GRM5: variants seen among roughly 807,000 people sequenced by gnomAD.
GRM5 encodes the protein metabotropic glutamate receptor 5.
GRM5 carries 19 observed loss-of-function variants against 83.1 expected under a neutral mutation model. The ratio of observed to expected loss-of-function variants is 0.23; its 90% CI spans 0.16 to 0.34. GRM5 has a LOEUF of 0.34. GRM5 is among the 10% of genes least tolerant of loss of function. The pLI is 1.00. For missense variants in GRM5, 1,160 were observed against 1,588.3 expected (o/e 0.73, Z 4.58); for synonymous variants, 675 against 633.6 (o/e 1.07, Z -0.98).
rs1555025982 is a variant in GRM5, at chr11:88,844,389, C to CACAT, written c.911+5516_911+5517insATGT. ...ACACACACACACACACACACACACA[C>CACAT]ATATATATATATACAAAAATCCTTT... On this transcript the variant is annotated intron_variant, in intron 3 of 9. Transcript: ENST00000305447. Among the ~76,000 whole-genome samples, 963 of 145,320 alleles carry CACAT rather than the reference C, an allele frequency of 6.6e-3. 10 individuals carry two copies. Among genetic ancestry groups the CACAT allele is most frequent in the African/African-American group, 0.024 (911 of 37,844 alleles).
chr11:88,521,099 G>A (rs939215733), intron 9 of GRM5, among the ~76,000 whole-genome samples: 18 of 151,946 alleles, frequency 1.2e-4, no homozygotes, highest in African/African-American at 4.1e-4. Context: ...TTTCTCCTTC[G>A]TGGCCTACAT....
chr11:89,044,180 T>C (rs1941593062), intron 2 of GRM5, among the ~76,000 whole-genome samples: 1 of 152,176 alleles, frequency 6.6e-6, no homozygotes, highest in African/African-American at 2.4e-5. Context: ...TCTTACTCCA[T>C]TAAAAGAAGT....
Position 89,029,147 on chromosome 11 carries a change from A to G in GRM5, c.661+18065T>C, listed in dbSNP as rs189423655. The stretch of plus-strand genomic sequence containing the variant: ...ATGCCTGCATAGTATTCCATGGTTT[A>G]TATGTGCCACATTTTCCTTATCCAG... On this transcript the variant is annotated intron_variant, in intron 2 of 9. Transcript: ENST00000305447. Among the ~76,000 whole-genome samples the G allele has an allele frequency of 1.5e-3, 229 of 152,324 alleles. 2 individuals are homozygous for G. The highest frequency in any genetic ancestry group is 0.011 in the Admixed American group (171 of 15,294).
At chr11:88,601,060 C>A (rs1250863990) in intron 5 of GRM5, among the ~76,000 whole-genome samples, 1 of 151,926 alleles carries the variant, frequency 6.6e-6, no homozygotes, top group Non-Finnish European at 1.5e-5. Flanking sequence ...TGAACCATTT[C>A]AAATGTAATA....
chr11:88,654,836 A>G (rs1939727179), intron 3 of GRM5, among the ~76,000 whole-genome samples: 1 of 152,090 alleles, frequency 6.6e-6, no homozygotes, highest in Non-Finnish European at 1.5e-5. Flanking sequence ...CAGTGCCGAG[A>G]AAGTATTATG....
chr11:88,813,970 A>T (rs1943628305), intron 3 of GRM5, among the ~76,000 whole-genome samples: 2 of 152,140 alleles, frequency 1.3e-5, no homozygotes, highest in African/African-American at 2.4e-5. Flanking sequence ...AAAAAACAAG[A>T]CTTAGCCTTC....
intron 2 of GRM5, among the ~76,000 whole-genome samples, chr11:88,933,187 A>ATTTTTTTTTTTTTTTTTTTTTTT (rs57318577): frequency 9.4e-6 from 1 of 106,318 alleles, no homozygotes; most frequent in Non-Finnish European, 1.8e-5. Context: ...TATTTGGGGC[A>ATTTTTTTTTTTTTTTTTTTTTTT]TTTTTTTTTT....
At chr11:88,945,061 A>G (rs1938233487) in intron 2 of GRM5, among the ~76,000 whole-genome samples, 1 of 151,898 alleles carries the variant, frequency 6.6e-6, no homozygotes, top group Admixed American at 6.6e-5. Flanking sequence ...ATTTTTACAC[A>G]TGAATAACAT....
At chr11:88,552,699 C>T (rs1942538424) in intron 8 of GRM5, among the ~76,000 whole-genome samples, 1 of 152,130 alleles carries the variant, frequency 6.6e-6, no homozygotes, top group Non-Finnish European at 1.5e-5. Flanking sequence ...GAAAAACAGT[C>T]CATAGACTGT....
chr11:88,625,674 T>G (rs1938774124), intron 4 of GRM5, among the ~76,000 whole-genome samples: 1 of 152,162 alleles, frequency 6.6e-6, no homozygotes, highest in African/African-American at 2.4e-5. Context: ...TGTTGGCTAC[T>G]GTGCTCACTA....
chr11:89,040,228 GCA>G, intron 2 of GRM5, among the ~76,000 whole-genome samples: 2 of 151,988 alleles, frequency 1.3e-5, no homozygotes, highest in Middle Eastern at 6.8e-3. Context: ...CTTACTTTTA[GCA>G]CAGTTAGTAA....
In GRM5 at chr11:89,011,307, A is replaced by C. The variant is rs1940692553; in HGVS notation, c.661+35905T>G. Among the ~76,000 whole-genome samples the C allele has an allele frequency of 1.3e-5, 2 of 151,922 alleles. 1 individual carries two copies. The highest frequency in any genetic ancestry group is 4.1e-4 in the South Asian group (2 of 4,826). On this transcript the variant is annotated intron_variant, in intron 2 of 9. Coordinates refer to ENST00000305447, the MANE Select transcript of GRM5 (RefSeq NM_001143831.3). ...AACATGGTATTGCAATATTAATTTG[A>C]ATTTTTTTGATGGTGGAGGGATTTT...
intron 2 of GRM5, among the ~76,000 whole-genome samples, chr11:88,910,198 T>A (rs1386831662): frequency 6.6e-6 from 1 of 152,078 alleles, no homozygotes; most frequent in East Asian, 1.9e-4. Flanking sequence ...TAGTTTATTT[T>A]TTCAGTCTAG....
intron 2 of GRM5, among the ~76,000 whole-genome samples, chr11:89,030,099 T>C (rs762153554): frequency 1.3e-5 from 2 of 152,150 alleles, no homozygotes; most frequent in Non-Finnish European, 2.9e-5. Context: ...CCAGAATTCA[T>C]CTTTTTTCAA....
At chr11:88,916,000 A>G (rs1945584636) in intron 2 of GRM5, among the ~76,000 whole-genome samples, 1 of 152,206 alleles carries the variant, frequency 6.6e-6, no homozygotes, top group African/African-American at 2.4e-5. Flanking sequence ...TGGTCACAAT[A>G]AATTTCTTAT....
intron 2 of GRM5, among the ~76,000 whole-genome samples, chr11:88,964,868 CTG>C (rs1470943345): frequency 2.0e-5 from 3 of 152,100 alleles, no homozygotes; most frequent in East Asian, 1.9e-4. Context: ...TTCTCAGAAA[CTG>C]TGCAAATTGA....
intron 2 of GRM5, among the ~76,000 whole-genome samples, chr11:89,017,115 A>C (rs914777972): frequency 1.8e-4 from 27 of 152,138 alleles, no homozygotes; most frequent in African/African-American, 5.8e-4. Context: ...CTGTCACCAT[A>C]GAATAAACTA....
At chr11:88,529,731 G>A (rs1941963785) in intron 8 of GRM5, among the ~76,000 whole-genome samples, 1 of 151,922 alleles carries the variant, frequency 6.6e-6, no homozygotes, top group African/African-American at 2.4e-5. Context: ...CTAATGCTTA[G>A]GGTAGCGATA....
intron 2 of GRM5, among the ~76,000 whole-genome samples, chr11:88,877,964 C>A (rs76532293): frequency 6.6e-6 from 1 of 152,052 alleles, no homozygotes; most frequent in African/African-American, 2.4e-5. Flanking sequence ...ATGTAACTAA[C>A]CTGCACATTG....
Sources: gnomAD v4.1 joint callset for allele counts (sites outside exome capture counted in the v4.1 genomes callset) on GRCh38, gnomAD v4.1.1 for gene constraint, MANE v1.5 for transcripts, NCBI Gene and HGNC (gene_info 2026-07-23, HGNC 2026-07-21) for gene names.